The following ABTB2 variants were observed in gnomAD, a reference collection of about 807,000 sequenced individuals.
ABTB2 encodes the protein ankyrin repeat and BTB domain containing 2.
ABTB2 carries 56 observed loss-of-function variants against 104.1 expected under a neutral mutation model. That is an observed-to-expected ratio of 0.54 (90% CI 0.43 to 0.67). ABTB2 has a LOEUF of 0.67. ABTB2 is among the 30% of genes least tolerant of loss of function. The pLI is 0.00. For synonymous variants in ABTB2, 606 were observed against 608.2 expected (o/e 1.00, Z 0.05); for missense variants, 1,279 against 1,407.7 (o/e 0.91, Z 1.46).
At chr11:34,307,666 G>A (rs2611144) in intron 1 of ABTB2, among the ~76,000 whole-genome samples, 357 of 151,692 alleles carry the variant, frequency 2.4e-3, no homozygotes, top group African/African-American at 8.1e-3. Context: ...TTATGTTAAT[G>A]GTTTGAGTCT....
At position 34,297,796 on chromosome 11, in the gene ABTB2, G is replaced by GAACAAAT. The variant is rs1854642295; in HGVS notation, c.883+58904_883+58905insATTTGTT. ...AAAAAAAAAAAAAATAAAAATAAAG[G>GAACAAAT]AAAGAAAAAGAAAAAAACAAAATTC... On this transcript the variant is annotated intron_variant, in intron 1 of 16. Coordinates refer to ENST00000435224, the MANE Select transcript of ABTB2 (RefSeq NM_145804.3). 3.9e-4 allele frequency among the ~76,000 whole-genome samples: 48 copies of GAACAAAT among 123,064 alleles called. 8 individuals carry two copies. The highest frequency in any genetic ancestry group is 8.3e-4 in the African/African-American group (26 of 31,198). The allele number at this position is 123,064 out of a possible 152,430, so 80.7% of individuals were successfully genotyped here. A position where few individuals can be genotyped will look rare whatever the true frequency, so the allele number is the denominator to read the frequency against.
At chr11:34,348,217 A>G (rs1855357518) in intron 1 of ABTB2, among the ~76,000 whole-genome samples, 1 of 152,182 alleles carries the variant, frequency 6.6e-6, no homozygotes, top group African/African-American at 2.4e-5. Context: ...CAAGCTTTCA[A>G]TCACCAAGAG....
At chr11:34,180,846 T>G (rs1044625375) in intron 3 of ABTB2, among the ~76,000 whole-genome samples, 4 of 152,222 alleles carry the variant, frequency 2.6e-5, no homozygotes, top group Non-Finnish European at 5.9e-5. Flanking sequence ...GAACTAGGAC[T>G]GAGAAAGCTA....
At chr11:34,272,424 C>T (rs572730247) in intron 1 of ABTB2, among the ~76,000 whole-genome samples, 11 of 151,900 alleles carry the variant, frequency 7.2e-5, no homozygotes, top group Non-Finnish European at 1.3e-4. Context: ...TACACATTGG[C>T]AGGCCAAGCG....
At chr11:34,230,330 G>A (rs1171729716) in intron 1 of ABTB2, among the ~76,000 whole-genome samples, 1 of 152,222 alleles carries the variant, frequency 6.6e-6, no homozygotes, top group Non-Finnish European at 1.5e-5. Context: ...TCAGCTCAGT[G>A]AGGGAGAATT....
chr11:34,219,706 G>T (rs1853593359), intron 1 of ABTB2, among the ~76,000 whole-genome samples: 1 of 152,162 alleles, frequency 6.6e-6, no homozygotes, highest in African/African-American at 2.4e-5. Context: ...TGCTGTCCAG[G>T]TTTATAGCCC....
At chr11:34,234,931 C>T (rs1408295582) in intron 1 of ABTB2, among the ~76,000 whole-genome samples, 2 of 152,202 alleles carry the variant, frequency 1.3e-5, no homozygotes, top group African/African-American at 4.8e-5. Context: ...TATCTTGGCT[C>T]ACTGCAAGCT....
chr11:34,351,201 A>G (rs1855394354), intron 1 of ABTB2, among the ~76,000 whole-genome samples: 1 of 152,012 alleles, frequency 6.6e-6, no homozygotes, highest in African/African-American at 2.4e-5. Context: ...GCAATTGATT[A>G]CCTTGGTTCA....
At chr11:34,311,969 C>T (rs554675805) in intron 1 of ABTB2, among the ~76,000 whole-genome samples, 6 of 151,920 alleles carry the variant, frequency 3.9e-5, no homozygotes, top group Admixed American at 6.6e-5. Context: ...GGTGAAACCC[C>T]GTGTCTACTA....
intron 1 of ABTB2, among the ~76,000 whole-genome samples, chr11:34,210,742 G>T (rs2133044327): frequency 6.6e-6 from 1 of 152,328 alleles, no homozygotes; most frequent in South Asian, 2.1e-4. Context: ...CCTGTCCCTA[G>T]TTTCTTTGAA....
chr11:34,162,808 G>A lies in ABTB2; in HGVS notation c.1989-3C>T, dbSNP rs1056465753. ...TCAGGAGCTTCCTCAGGACGTTCCT[G>A]CAGGCCCAGGGATGAATGAAGGTGA... is the stretch of plus-strand genomic sequence containing the variant. On this transcript the variant is annotated splice_region_variant and splice_polypyrimidine_tract_variant and intron_variant, in intron 9 of 16. Transcript: ENST00000435224. 1.5e-5 allele frequency: 24 copies of A among 1,597,638 alleles called. No individual in the cohort carries two copies. Among genetic ancestry groups the A allele is most frequent in the Non-Finnish European group, 1.9e-5 (22 of 1,177,950 alleles).
At chr11:34,173,477 C>A (rs1171257397) in intron 3 of ABTB2, among the ~76,000 whole-genome samples, 170 bp from the exon 4 acceptor site, 2 of 152,046 alleles carry the variant, frequency 1.3e-5, no homozygotes, top group African/African-American at 4.8e-5. Context: ...GAGAGTGCTC[C>A]CTGAAGGGCA....
chr11:34,230,141 C>T (rs919639688), intron 1 of ABTB2, among the ~76,000 whole-genome samples: 6 of 152,248 alleles, frequency 3.9e-5, no homozygotes, highest in Non-Finnish European at 7.3e-5. Context: ...CTCGCATATG[C>T]ATGCGCAAAC....
At chr11:34,193,752 C>G (rs1215947725) in intron 3 of ABTB2, among the ~76,000 whole-genome samples, 1 of 152,292 alleles carries the variant, frequency 6.6e-6, no homozygotes, top group South Asian at 2.1e-4. Flanking sequence ...ATGGAAGGGC[C>G]CTCTGAGCCC....
chr11:34,213,307 C>G lies in ABTB2; in HGVS notation c.884-8617G>C, dbSNP rs893213718. 2.3e-4 allele frequency among the ~76,000 whole-genome samples: 35 copies of G among 152,192 alleles called. 1 individual carries two copies. Among genetic ancestry groups the G allele is most frequent in the Admixed American group, 1.6e-3 (25 of 15,272 alleles). Reference sequence around the variant, plus strand: ...AGCCTGGCTAACATGGTGAAATCCCCCATCTCTACTAAAAATCCAAAAATT... The same window carrying G: ...AGCCTGGCTAACATGGTGAAATCCCGCATCTCTACTAAAAATCCAAAAATT... On this transcript the variant is annotated intron_variant, in intron 1 of 16. Coordinates refer to ENST00000435224, the MANE Select transcript of ABTB2 (RefSeq NM_145804.3).
intron 5 of ABTB2, among the ~76,000 whole-genome samples, chr11:34,169,963 G>A (rs116105467): frequency 5.9e-5 from 9 of 152,168 alleles, no homozygotes; most frequent in Non-Finnish European, 7.3e-5. Context: ...GCATTGTGCC[G>A]TCACCTCATC....
chr11:34,161,800 G>A (rs1011833178), intron 10 of ABTB2, among the ~76,000 whole-genome samples: 1 of 152,184 alleles, frequency 6.6e-6, no homozygotes, highest in Admixed American at 6.5e-5. Context: ...AAGAACTGAC[G>A]GCATTCCCCA....
At chr11:34,299,480 C>T (rs1172151378) in intron 1 of ABTB2, among the ~76,000 whole-genome samples, 1 of 152,184 alleles carries the variant, frequency 6.6e-6, no homozygotes, top group Non-Finnish European at 1.5e-5. Flanking sequence ...ATACTCCTCC[C>T]AGAAAACAAT....
chr11:34,165,182 C>T (rs944787245), intron 8 of ABTB2, 78 bp downstream of exon 8: 53 of 1,334,306 alleles, frequency 4.0e-5, no homozygotes, highest in African/African-American at 7.3e-5. Flanking sequence ...GACCCCTGCA[C>T]GTCCAGCTAC....
Sources: allele counts gnomAD v4.1 joint callset (sites outside exome capture counted in the v4.1 genomes callset), GRCh38; gene constraint gnomAD v4.1.1; transcripts MANE v1.5; gene names NCBI Gene and HGNC (gene_info 2026-07-23, HGNC 2026-07-21).